TMEM132E: variants seen among roughly 807,000 people sequenced by gnomAD.
The protein encoded by TMEM132E is transmembrane protein 132E.
In TMEM132E, 49 loss-of-function variants were observed where a neutral mutation model predicts 78.5. That is an observed-to-expected ratio of 0.62 (90% CI 0.50 to 0.79). The LOEUF is 0.79. Ranked by LOEUF, TMEM132E falls within the 30% of genes least tolerant of loss-of-function variation. The probability of loss-of-function intolerance (pLI) is 0.00; values close to 1 mark genes in which losing one functional copy is unlikely to be tolerated. For missense variants in TMEM132E, 1,403 were observed against 1,470.9 expected, an observed-to-expected ratio of 0.95 and a Z score of 0.75; for synonymous variants, 715 against 670.6, an observed-to-expected ratio of 1.07 and a Z score of -1.02.
chr17:34,622,953 A>G (rs1211821816), intron 1 of TMEM132E, among the ~76,000 whole-genome samples: 4 of 152,172 alleles, frequency 2.6e-5, no homozygotes, highest in Non-Finnish European at 5.9e-5. Context: ...CTTTAGATAA[A>G]TGATCAGGAG....
chr17:34,611,767 T>C (rs1906601186), intron 1 of TMEM132E, among the ~76,000 whole-genome samples: 1 of 152,038 alleles, frequency 6.6e-6, no homozygotes, highest in African/African-American at 2.4e-5. Flanking sequence ...GAAGCTGAGG[T>C]TCAAAGACTA....
chr17:34,629,947 C>A, intron 4 of TMEM132E, 61 bp from the exon 5 acceptor site: 1 of 1,518,872 alleles, frequency 6.6e-7, no homozygotes, highest in Non-Finnish European at 8.9e-7. Flanking sequence ...GGGGCCTTGG[C>A]TAGTGTGTCC....
chr17:34,630,008 G>A lies in TMEM132E; in HGVS notation c.1339G>A (p.Asp447Asn), dbSNP rs1445842805. Residue 447 changes from aspartate to asparagine, a missense_variant and splice_region_variant, in exon 5 of 9, where the codon GAC (aspartate) becomes AAC (asparagine). Coordinates refer to ENST00000631683, the MANE Select transcript of TMEM132E (RefSeq NM_001304438.2). Reference sequence around the variant, plus strand: ...AGCCCCCCCCTTCTCCTCCCTGCAGGACACAGAGATCATCAACACGGCCAT... The same window carrying A: ...AGCCCCCCCCTTCTCCTCCCTGCAGAACACAGAGATCATCAACACGGCCAT... The part of the protein sequence containing the change: ...DVQAILPLAM[D>N]TEIINTAILT... 6.2e-7 allele frequency: 1 copy of A among 1,603,770 alleles called. No homozygotes were observed. Among genetic ancestry groups the A allele is most frequent in the South Asian group, 1.1e-5 (1 of 90,690 alleles).
chr17:34,621,808 G>A (rs1277243363), intron 1 of TMEM132E, among the ~76,000 whole-genome samples: 1 of 150,032 alleles, frequency 6.7e-6, no homozygotes, highest in East Asian at 1.9e-4. Flanking sequence ...GGGCGGGCAG[G>A]TGCCAGCCTG....
chr17:34,581,166 G>A (rs1404427135), intron 1 of TMEM132E, 23 bp downstream of exon 1: 1 of 1,498,538 alleles, frequency 6.7e-7, no homozygotes, highest in African/African-American at 1.4e-5. Context: ...GCGCGGACTG[G>A]GGGTGAGGAT....
intron 1 of TMEM132E, among the ~76,000 whole-genome samples, chr17:34,609,278 A>C (rs1426516384): frequency 6.6e-6 from 1 of 152,004 alleles, no homozygotes; most frequent in Non-Finnish European, 1.5e-5. Context: ...AGGCCTCAGG[A>C]AGGGTGTGGA....
chr17:34,597,115 C>G (rs578044342), intron 1 of TMEM132E, among the ~76,000 whole-genome samples: 93 of 152,280 alleles, frequency 6.1e-4, no homozygotes, highest in African/African-American at 2.1e-3. Flanking sequence ...CTCCTCAGGA[C>G]AGCAGTATCC....
intron 8 of TMEM132E, 32 bp from the exon 9 acceptor site, chr17:34,637,139 TCTTTGA>T (rs755327117): frequency 1.2e-5 from 19 of 1,548,030 alleles, no homozygotes; most frequent in Middle Eastern, 1.7e-4. Flanking sequence ...CTGAACCAGC[TCTTTGA>T]CTCCTATCCC....
At position 34,580,999 on chromosome 17, in the gene TMEM132E, G is replaced by T; in HGVS notation, c.-78G>T. ...CGGGCGCCACGGCAGCCCTGAGTTGGATGTGACCAAGCCCAGCCTGGGGCC... is the reference window on the plus strand; with the variant it reads ...CGGGCGCCACGGCAGCCCTGAGTTGTATGTGACCAAGCCCAGCCTGGGGCC... On this transcript the variant is annotated 5_prime_UTR_variant, in exon 1 of 9. Transcript: ENST00000631683. The T allele has an allele frequency of 1.5e-6, 2 of 1,293,060 alleles. No homozygotes were observed. Among genetic ancestry groups the T allele is most frequent in the Non-Finnish European group, 2.1e-6 (2 of 953,664 alleles). The allele number at this position is 1,293,060 out of a possible 1,614,324, so 80.1% of individuals were successfully genotyped here. A position where few individuals can be genotyped will look rare whatever the true frequency, so the allele number is the denominator to read the frequency against.
At chr17:34,591,874 C>T (rs1388388917) in intron 1 of TMEM132E, among the ~76,000 whole-genome samples, 1 of 152,220 alleles carries the variant, frequency 6.6e-6, no homozygotes, top group Non-Finnish European at 1.5e-5. Flanking sequence ...AGCCTCTCCT[C>T]CCCTGTCTGC....
chr17:34,580,785 C>T lies in TMEM132E; in HGVS notation c.-292C>T. ...CCCGCGGCCACCGGGCTCCGGACTG[C>T]ACGTGCAGCTCCCCCCGCGCCTCGC... On this transcript the variant is annotated 5_prime_UTR_variant, in exon 1 of 9. Coordinates refer to ENST00000631683, the MANE Select transcript of TMEM132E (RefSeq NM_001304438.2). 1 of 365,948 alleles carries T rather than the reference C, an allele frequency of 2.7e-6. No individual in the cohort carries two copies. Among genetic ancestry groups the T allele is most frequent in the Non-Finnish European group, 4.9e-6 (1 of 202,940 alleles). 22.7% of individuals were successfully genotyped at this position (365,948 alleles called of 1,614,324 possible).
At chr17:34,582,449 G>C (rs568463787) in intron 1 of TMEM132E, among the ~76,000 whole-genome samples, 17 of 152,136 alleles carry the variant, frequency 1.1e-4, no homozygotes, top group Non-Finnish European at 2.4e-4. Context: ...GGGCTAGGAG[G>C]GGGGCGGGGA....
At chr17:34,617,887 A>C (rs1906834657) in intron 1 of TMEM132E, among the ~76,000 whole-genome samples, 1 of 152,246 alleles carries the variant, frequency 6.6e-6, no homozygotes, top group African/African-American at 2.4e-5. Flanking sequence ...TGGAAAATAC[A>C]TAAAAACATA....
Position 34,638,080 on chromosome 17 carries a change from G to T in TMEM132E, c.3073G>T (p.Glu1025Ter), listed in dbSNP as rs1198001035. The T allele has an allele frequency of 1.3e-6, 2 of 1,589,316 alleles. No homozygotes were observed. The highest frequency in any genetic ancestry group is 1.3e-5 in the African/African-American group (1 of 74,594). Residue 1025 changes from glutamate to a stop codon, truncating the protein, a stop_gained, in exon 9 of 9, where the codon GAG (glutamate) becomes TAG (stop). Coordinates refer to ENST00000631683, the MANE Select transcript of TMEM132E (RefSeq NM_001304438.2). LOFTEE classifies it high-confidence loss of function. ...FTTFTTLPSE[E>*]LAYDSVPAGE... The stretch of plus-strand genomic sequence containing the variant: ...CACCTTCACCACGCTGCCGTCAGAG[G>T]AGCTGGCCTATGACTCGGTGCCCGC...
At chr17:34,589,915 C>T (rs1905807980) in intron 1 of TMEM132E, among the ~76,000 whole-genome samples, 2 of 152,178 alleles carry the variant, frequency 1.3e-5, no homozygotes, top group South Asian at 4.1e-4. Context: ...GGAAAAATGG[C>T]CATTTTCTCA....
chr17:34,624,429 G>C lies in TMEM132E; in HGVS notation c.68-1698G>C, dbSNP rs1018795428. On this transcript the variant is annotated intron_variant, in intron 1 of 8. Transcript: ENST00000631683. Reference sequence around the variant, plus strand: ...AGGTAACTAACTCCCACACAGGCAGGATGGGAGGTCCCTTCAGAGAAGGAC... The same window carrying C: ...AGGTAACTAACTCCCACACAGGCAGCATGGGAGGTCCCTTCAGAGAAGGAC... Among the ~76,000 whole-genome samples, 3 of 152,348 alleles carry C rather than the reference G, an allele frequency of 2.0e-5. No homozygotes were observed. In the East Asian group the frequency reaches 5.8e-4, roughly 29 times the overall value.
At position 34,626,935 on chromosome 17, in the gene TMEM132E, C is replaced by T; in HGVS notation, c.876C>T (p.Ser292=). The T allele has an allele frequency of 6.2e-7, 1 of 1,613,774 alleles. No homozygotes were observed. Among genetic ancestry groups the T allele is most frequent in the Non-Finnish European group, 8.5e-7 (1 of 1,180,022 alleles). The change falls in exon 2 of 9, where the codon AGC becomes AGT. Residue 292 remains serine (S), a synonymous_variant. Transcript: ENST00000631683. The stretch of plus-strand genomic sequence containing the variant: ...CCCTGCAGGAGCACAGGCTGGACAG[C>T]AACCTGATGATCCGCCTGCCAGACC... ...RRTLQEHRLD[S]NLMIRLPDRP...
At chr17:34,627,479 T>C (rs183086328) in intron 2 of TMEM132E, among the ~76,000 whole-genome samples, 34 of 143,250 alleles carry the variant, frequency 2.4e-4, no homozygotes, top group African/African-American at 9.5e-4. Context: ...TGTGTGTGTG[T>C]GTGTGTGTGT....
chr17:34,602,450 C>T (rs532246948), intron 1 of TMEM132E, among the ~76,000 whole-genome samples: 2 of 152,348 alleles, frequency 1.3e-5, no homozygotes, highest in South Asian at 4.1e-4. Context: ...CTGCAGCTCT[C>T]ACATTTGGAG....
Sources: gnomAD v4.1 joint callset for allele counts (sites outside exome capture counted in the v4.1 genomes callset) on GRCh38, gnomAD v4.1.1 for gene constraint, MANE v1.5 for transcripts, NCBI Gene and HGNC (gene_info 2026-07-23, HGNC 2026-07-21) for gene names.